The following SLC38A4 variants were observed in gnomAD, a reference collection of about 807,000 sequenced individuals.
The protein encoded by SLC38A4 is sodium-coupled neutral amino acid transporter 4.
A neutral mutation model predicts 63.1 loss-of-function variants in SLC38A4; 20 were observed. The observed-to-expected ratio is 0.32, with a 90% CI of 0.22 to 0.46. The LOEUF is 0.46. SLC38A4 is among the 20% of genes least tolerant of loss of function. The pLI, the probability that SLC38A4 is intolerant of heterozygous loss-of-function variation, is 1.00. For synonymous variants in SLC38A4, 230 were observed against 225.5 expected (o/e 1.02, Z -0.18); for missense variants, 526 against 663.6 (o/e 0.79, Z 2.28).
At chr12:46,817,295 G>C (rs1453401682) in intron 1 of SLC38A4, among the ~76,000 whole-genome samples, 1 of 151,678 alleles carries the variant, frequency 6.6e-6, no homozygotes, top group Admixed American at 6.6e-5. Flanking sequence ...GAAATGTTTG[G>C]CCTTTTTCTA....
chr12:46,787,557 G>A (rs1396630774), intron 5 of SLC38A4, among the ~76,000 whole-genome samples: 2 of 152,126 alleles, frequency 1.3e-5, no homozygotes, highest in African/African-American at 2.4e-5. Flanking sequence ...GGGGTACAGG[G>A]AATGGGACAT....
At chr12:46,790,073 T>C (rs1161081795) in intron 3 of SLC38A4, among the ~76,000 whole-genome samples, 2 of 116,848 alleles carry the variant, frequency 1.7e-5, no homozygotes, top group Non-Finnish European at 3.4e-5. Context: ...AGTGAAACTC[T>C]GTCTGTCTCA....
intron 14 of SLC38A4, among the ~76,000 whole-genome samples, chr12:46,770,991 C>T (rs1420379372): frequency 6.6e-6 from 1 of 152,086 alleles, no homozygotes; most frequent in Admixed American, 6.6e-5. Flanking sequence ...TACCACTCCA[C>T]CAAAAATTAA....
In SLC38A4 at chr12:46,793,066, A is replaced by T. The variant is rs1430968738; in HGVS notation, c.6T>A (p.Asp2Glu). 2.5e-6 allele frequency: 4 copies of T among 1,612,070 alleles called. No individual in the cohort carries two copies. The highest frequency in any genetic ancestry group is 3.4e-6 in the Non-Finnish European group (4 of 1,178,590). The change falls in exon 3 of 17, where the codon GAT (aspartate) becomes GAA (glutamate). Residue 2 changes from aspartate (D) to glutamate (E), a missense_variant. By Grantham distance (45) the Asp-to-Glu change is conservative. Coordinates refer to ENST00000266579, the MANE Select transcript of SLC38A4 (RefSeq NM_018018.5). Reference protein sequence around the residue: MDPMELRNVNIE... With the variant: MEPMELRNVNIE... ...TGTTGACATTTCTCAGTTCCATGGG[A>T]TCCATTTGAGCTGTCAGCGCTTTCT...
chr12:46,799,261 C>T (rs561992103), intron 2 of SLC38A4, among the ~76,000 whole-genome samples: 1 of 152,196 alleles, frequency 6.6e-6, no homozygotes, highest in Admixed American at 6.5e-5. Context: ...TGCCCCTTCA[C>T]AAATGAACAA....
At chr12:46,800,531 A>G (rs535232906) in intron 2 of SLC38A4, among the ~76,000 whole-genome samples, 11 of 151,966 alleles carry the variant, frequency 7.2e-5, no homozygotes, top group African/African-American at 2.7e-4. Flanking sequence ...GTCCCTCCCA[A>G]TGTTAACTAA....
intron 1 of SLC38A4, among the ~76,000 whole-genome samples, chr12:46,806,085 G>A (rs914257799): frequency 6.6e-6 from 1 of 151,658 alleles, no homozygotes; most frequent in Non-Finnish European, 1.5e-5. Flanking sequence ...GTCCATGTGA[G>A]ATTCTAGTAG....
rs751634758 is a variant in SLC38A4, at chr12:46,775,127, T to A, written c.1221A>T (p.Thr407=). The A allele has an allele frequency of 6.2e-7, 1 of 1,612,628 alleles. No individual in the cohort carries two copies. The highest frequency in any genetic ancestry group is 1.3e-5 in the African/African-American group (1 of 74,830). ...ELLHAYSKVY[T]LDIPLLMVRL... Reference sequence around the variant, plus strand: ...GAACCATGAGAAGAGGGATGTCTAATGTATACACTTTGCTGTAGGCATGAA... The same window carrying A: ...GAACCATGAGAAGAGGGATGTCTAAAGTATACACTTTGCTGTAGGCATGAA... Residue 407 remains threonine, a synonymous_variant, in exon 14 of 17, where the codon ACA becomes ACT. Transcript: ENST00000266579.
chr12:46,794,730 T>C (rs148384125), intron 2 of SLC38A4, among the ~76,000 whole-genome samples: 278 of 151,916 alleles, frequency 1.8e-3, no homozygotes, highest in African/African-American at 6.3e-3. Context: ...AGTTCAAATA[T>C]ACACTGATAG....
intron 1 of SLC38A4, among the ~76,000 whole-genome samples, chr12:46,805,499 T>G (rs140467242): frequency 0.01 from 1,549 of 152,186 alleles, 17 homozygotes; most frequent in Non-Finnish European, 0.017. Flanking sequence ...TATGGTCTGC[T>G]CTCAACAAAA....
intron 1 of SLC38A4, among the ~76,000 whole-genome samples, chr12:46,804,621 T>A (rs1424090996): frequency 6.6e-6 from 1 of 152,038 alleles, no homozygotes. Flanking sequence ...GCTCCTCGAG[T>A]AAGATATTCT....
intron 1 of SLC38A4, among the ~76,000 whole-genome samples, chr12:46,808,530 A>AT (rs1939280392): frequency 6.6e-6 from 1 of 151,574 alleles, no homozygotes; most frequent in Non-Finnish European, 1.5e-5. Flanking sequence ...AATTAAAAAA[A>AT]AAATCTGGTT....
chr12:46,782,049 A>T (rs1938653707), intron 7 of SLC38A4, among the ~76,000 whole-genome samples: 2 of 152,164 alleles, frequency 1.3e-5, no homozygotes, highest in South Asian at 4.1e-4. Flanking sequence ...TTACTGTCAA[A>T]TTCTACCCAA....
At chr12:46,796,171 G>A (rs972503697) in intron 2 of SLC38A4, among the ~76,000 whole-genome samples, 4 of 152,104 alleles carry the variant, frequency 2.6e-5, no homozygotes, top group East Asian at 1.9e-4. Context: ...AGCTATATCC[G>A]TTTCATTTTT....
chr12:46,777,339 A>G (rs937522550), intron 12 of SLC38A4, among the ~76,000 whole-genome samples: 1 of 151,968 alleles, frequency 6.6e-6, no homozygotes, highest in Non-Finnish European at 1.5e-5. Flanking sequence ...TTTGCATTTC[A>G]TAATGAGATG....
At chr12:46,768,262 T>C (rs1220699660) in intron 16 of SLC38A4, 48 bp downstream of exon 16, 7 of 1,337,078 alleles carry the variant, frequency 5.2e-6, no homozygotes, top group African/African-American at 1.5e-5. Flanking sequence ...TTATTCTAAG[T>C]AGTTGGAAGA....
At chr12:46,776,031 A>C (rs1251970849) in intron 13 of SLC38A4, among the ~76,000 whole-genome samples, 1 of 152,044 alleles carries the variant, frequency 6.6e-6, no homozygotes, top group African/African-American at 2.4e-5. Context: ...TAGAAAAAAA[A>C]CCTAAGCAAA....
chr12:46,794,708 A>G (rs1938964252), intron 2 of SLC38A4, among the ~76,000 whole-genome samples: 3 of 151,932 alleles, frequency 2.0e-5, no homozygotes, highest in Admixed American at 2.0e-4. Context: ...TGGGGAAAAA[A>G]TAAGAATTAC....
chr12:46,822,732 TTTGACC>T (rs1255865833), intron 1 of SLC38A4, among the ~76,000 whole-genome samples: 2 of 152,100 alleles, frequency 1.3e-5, no homozygotes, highest in African/African-American at 4.8e-5. Context: ...GGATCAGAAG[TTTGACC>T]TTGGAAACAA....
Sources: allele counts gnomAD v4.1 joint callset (sites outside exome capture counted in the v4.1 genomes callset), GRCh38; gene constraint gnomAD v4.1.1; transcripts MANE v1.5; gene names NCBI Gene and HGNC (gene_info 2026-07-23, HGNC 2026-07-21).